The following HS6ST3 variants were observed in gnomAD, a reference collection of about 807,000 sequenced individuals.
HS6ST3 encodes heparan-sulfate 6-O-sulfotransferase 3.
HS6ST3 carries 12 observed loss-of-function variants against 36.7 expected under a neutral mutation model. The ratio of observed to expected loss-of-function variants is 0.33; its 90% CI spans 0.21 to 0.53. HS6ST3 has a LOEUF of 0.53. Ranked by LOEUF, HS6ST3 falls within the 20% of genes least tolerant of loss-of-function variation. The pLI is 0.95. For missense variants in HS6ST3, 584 were observed against 640.9 expected (o/e 0.91, Z 0.96); for synonymous variants, 240 against 257.5 (o/e 0.93, Z 0.65).
At chr13:96,812,250 G>C (rs1878330893) in intron 1 of HS6ST3, among the ~76,000 whole-genome samples, 1 of 152,130 alleles carries the variant, frequency 6.6e-6, no homozygotes, top group African/African-American at 2.4e-5. Context: ...AGTCATCCCT[G>C]TTCTTCAAAT....
rs549388247 is a variant in HS6ST3, at chr13:96,778,678, C to A, written c.708-53812C>A. On this transcript the variant is annotated intron_variant, in intron 1 of 1. Transcript: ENST00000376705. ...TAAAAAGTCAGGAAACAACAGACGG[C>A]GGAGAGGATGTGGAGAAACTGGAAC... 2.0e-5 allele frequency among the ~76,000 whole-genome samples: 3 copies of A among 151,960 alleles called. No individual in the cohort carries two copies. In the South Asian group the frequency reaches 6.2e-4, roughly 32 times the overall value.
chr13:96,460,519 A>C (rs973629509), intron 1 of HS6ST3, among the ~76,000 whole-genome samples: 1 of 152,226 alleles, frequency 6.6e-6, no homozygotes, highest in African/African-American at 2.4e-5. Context: ...TTTTGGAAGT[A>C]TCATGGTGTT....
intron 1 of HS6ST3, among the ~76,000 whole-genome samples, chr13:96,413,521 A>G (rs2139463625): frequency 6.6e-6 from 1 of 152,340 alleles, no homozygotes; most frequent in African/African-American, 2.4e-5. Context: ...TTTGCAAAAT[A>G]TTAAGATTGA....
chr13:96,598,241 G>C (rs954613906), intron 1 of HS6ST3, among the ~76,000 whole-genome samples: 3 of 151,954 alleles, frequency 2.0e-5, no homozygotes, highest in Admixed American at 6.6e-5. Flanking sequence ...TAGGAATTGC[G>C]TTGAAACTGT....
At chr13:96,346,608 C>T (rs928187454) in intron 1 of HS6ST3, among the ~76,000 whole-genome samples, 2 of 151,756 alleles carry the variant, frequency 1.3e-5, no homozygotes, top group African/African-American at 4.8e-5. Context: ...TAAAACAAAG[C>T]CAGAAAAACA....
At chr13:96,215,473 A>C (rs1000164323) in intron 1 of HS6ST3, among the ~76,000 whole-genome samples, 12 of 152,332 alleles carry the variant, frequency 7.9e-5, no homozygotes, top group African/African-American at 2.9e-4. Context: ...AGTCAAAATT[A>C]TTTCTTGGTG....
intron 1 of HS6ST3, among the ~76,000 whole-genome samples, chr13:96,715,580 A>AT (rs943676371): frequency 2.0e-5 from 3 of 152,044 alleles, no homozygotes; most frequent in Non-Finnish European, 4.4e-5. Flanking sequence ...ACTTTCTTTC[A>AT]TTTTTTGTAC....
At chr13:96,829,304 A>G (rs1430120416) in intron 1 of HS6ST3, among the ~76,000 whole-genome samples, 3 of 151,048 alleles carry the variant, frequency 2.0e-5, no homozygotes, top group Non-Finnish European at 3.0e-5. Flanking sequence ...AACTGCTCCA[A>G]CTTTTTTTTT....
Position 96,091,038 on chromosome 13 carries a change from A to G in HS6ST3, c.176A>G (p.Gln59Arg). ...PAVPGPARRA[Q>R]APPEEWERRP... Reference sequence around the variant, plus strand: ...GTCCCGGGTCCCGCCCGCCGGGCTCAGGCGCCGCCGGAGGAGTGGGAGCGG... The same window carrying G: ...GTCCCGGGTCCCGCCCGCCGGGCTCGGGCGCCGCCGGAGGAGTGGGAGCGG... The change falls in exon 1 of 2, where the codon CAG becomes CGG. Residue 59 changes from glutamine to arginine, a missense_variant. This residue lies in a region of HS6ST3 where 217 missense variants were observed against 205.4 expected (regional missense o/e 1.06). Coordinates refer to ENST00000376705, the MANE Select transcript of HS6ST3 (RefSeq NM_153456.4). 8.0e-7 allele frequency: 1 copy of G among 1,247,746 alleles called. No homozygotes were observed. Among genetic ancestry groups the G allele is most frequent in the Non-Finnish European group, 1.0e-6 (1 of 996,272 alleles). 77.3% of individuals were successfully genotyped at this position (1,247,746 alleles called of 1,614,324 possible). A position where few individuals can be genotyped will look rare whatever the true frequency, so the allele number is the denominator to read the frequency against.
At chr13:96,241,790 T>C (rs181438781) in intron 1 of HS6ST3, among the ~76,000 whole-genome samples, 12 of 148,334 alleles carry the variant, frequency 8.1e-5, no homozygotes, top group South Asian at 2.1e-4. Context: ...TTCTTTCTTT[T>C]TTTTTTTTTT....
rs2053948456 is a variant in HS6ST3 at position 96,125,904 on chromosome 13, A to G, written c.707+34335A>G. 2.0e-5 allele frequency among the ~76,000 whole-genome samples: 3 copies of G among 151,874 alleles called. No homozygotes were observed. In the South Asian group the frequency reaches 6.2e-4, roughly 31 times the overall value. On this transcript the variant is annotated intron_variant, in intron 1 of 1. Transcript: ENST00000376705. ...ATTAACTCGTCATTTAGCATTAGGT[A>G]TATCTCCTAAAGCTATCCCTCCCCA...
chr13:96,423,341 A>C (rs1359757896), intron 1 of HS6ST3, among the ~76,000 whole-genome samples: 1 of 152,084 alleles, frequency 6.6e-6, no homozygotes, highest in Admixed American at 6.5e-5. Context: ...GTCCAAAAAA[A>C]GTTTCTTTCC....
At chr13:96,096,738 C>G (rs1030832672) in intron 1 of HS6ST3, among the ~76,000 whole-genome samples, 1 of 152,126 alleles carries the variant, frequency 6.6e-6, no homozygotes, top group Non-Finnish European at 1.5e-5. Flanking sequence ...ACCAGAACCA[C>G]TTTGAAACAT....
At chr13:96,133,406 G>A (rs947068222) in intron 1 of HS6ST3, among the ~76,000 whole-genome samples, 6 of 151,890 alleles carry the variant, frequency 4.0e-5, no homozygotes, top group African/African-American at 1.2e-4. Flanking sequence ...AATTACAGGC[G>A]TGAGCCACTG....
chr13:96,417,577 A>C (rs1369333308), intron 1 of HS6ST3, among the ~76,000 whole-genome samples: 1 of 138,660 alleles, frequency 7.2e-6, no homozygotes, highest in African/African-American at 2.7e-5. Flanking sequence ...GTGAAAAAAA[A>C]TAGCATATAT....
chr13:96,349,432 A>G (rs2055171466), intron 1 of HS6ST3, among the ~76,000 whole-genome samples: 2 of 152,082 alleles, frequency 1.3e-5, no homozygotes, highest in Non-Finnish European at 2.9e-5. Context: ...CTCTCTTTCC[A>G]AACAATTCTC....
intron 1 of HS6ST3, among the ~76,000 whole-genome samples, chr13:96,748,561 G>T (rs17769587): frequency 0.14 from 21,541 of 152,014 alleles, 1,625 homozygotes; most frequent in Admixed American, 0.18. Context: ...GTGCTGGTTT[G>T]CAAATATCTC....
At chr13:96,818,792 T>G (rs1306269462) in intron 1 of HS6ST3, among the ~76,000 whole-genome samples, 1 of 152,234 alleles carries the variant, frequency 6.6e-6, no homozygotes, top group Non-Finnish European at 1.5e-5. Context: ...ACACTATCCT[T>G]CTTGGTCTTT....
intron 1 of HS6ST3, among the ~76,000 whole-genome samples, chr13:96,621,401 C>G (rs2056494572): frequency 6.6e-6 from 1 of 152,148 alleles, no homozygotes; most frequent in African/African-American, 2.4e-5. Flanking sequence ...TCTCACTTCC[C>G]TCCTGCCACC....
Sources: allele counts gnomAD v4.1 joint callset (sites outside exome capture counted in the v4.1 genomes callset), GRCh38; gene constraint gnomAD v4.1.1; regional missense constraint gnomAD v4.1.1; transcripts MANE v1.5; gene names NCBI Gene and HGNC (gene_info 2026-07-23, HGNC 2026-07-21).